Variants in PDCL2 observed in about 807,000 individuals in gnomAD.
PDCL2 encodes phosducin like 2.
In PDCL2, 23 loss-of-function variants were observed where a neutral mutation model predicts 30.3. The observed-to-expected ratio is 0.76, with a 90% CI of 0.55 to 1.08. The LOEUF is 1.08. Ranked by LOEUF, PDCL2 falls within the 50% of genes least tolerant of loss-of-function variation. The pLI is 0.00. For synonymous variants in PDCL2, 68 were observed against 86.2 expected (o/e 0.79, Z 1.17); for missense variants, 243 against 282.3 (o/e 0.86, Z 1.00).
intron 1 of PDCL2, among the ~76,000 whole-genome samples, chr4:55,586,177 A>G (rs1732861330): frequency 6.6e-6 from 1 of 151,820 alleles, no homozygotes; most frequent in South Asian, 2.1e-4. Flanking sequence ...GTTTTTCTCA[A>G]TATATTTTAA....
At chr4:55,588,150 G>A (rs959165798) in intron 1 of PDCL2, among the ~76,000 whole-genome samples, 3 of 152,248 alleles carry the variant, frequency 2.0e-5, no homozygotes, top group African/African-American at 4.8e-5. Context: ...TGGGAACTAT[G>A]TCAGGCAAAC....
intron 3 of PDCL2, among the ~76,000 whole-genome samples, chr4:55,571,189 A>G (rs1474731772): frequency 6.6e-6 from 1 of 152,004 alleles, no homozygotes; most frequent in Non-Finnish European, 1.5e-5. Flanking sequence ...TGTGTTTCCC[A>G]CAGAAACCAT....
intron 2 of PDCL2, among the ~76,000 whole-genome samples, chr4:55,581,767 G>A (rs1000216975): frequency 2.3e-4 from 35 of 152,272 alleles, no homozygotes; most frequent in Non-Finnish European, 4.4e-4. Context: ...GCAGTGGCAC[G>A]ATCTCAGCTC....
At position 55,582,239 on chromosome 4, in the gene PDCL2, T is replaced by C. The variant is rs887092261; in HGVS notation, c.7-2A>G. On this transcript the variant is annotated splice_acceptor_variant, in intron 1 of 5. Coordinates refer to ENST00000295645, the MANE Select transcript of PDCL2 (RefSeq NM_152401.3). LOFTEE classifies it high-confidence loss of function. ...CCATTCTGTATCTTCATTGGGATCC[T>C]ACACAAAAAGAAAAGAAAAGAAAAT... 1 of 1,586,476 alleles carries C rather than the reference T, an allele frequency of 6.3e-7. No homozygotes were observed. The highest frequency in any genetic ancestry group is 8.5e-7 in the Non-Finnish European group (1 of 1,172,038).
At position 55,560,053 on chromosome 4, in the gene PDCL2, T is replaced by C. The variant is rs73155698; in HGVS notation, c.571+2351A>G. 7.1e-3 allele frequency among the ~76,000 whole-genome samples: 1,074 copies of C among 152,292 alleles called. 12 individuals are homozygous for C. Among genetic ancestry groups the C allele is most frequent in the African/African-American group, 0.024 (1,014 of 41,560 alleles). ...AACTTCTGGCGATGGATGATGGTGATGGAATGTGAATGTGCTTAATTCCAC... is the reference window on the plus strand; with the variant it reads ...AACTTCTGGCGATGGATGATGGTGACGGAATGTGAATGTGCTTAATTCCAC... On this transcript the variant is annotated intron_variant, in intron 5 of 5. Transcript: ENST00000295645.
chr4:55,556,642 A>G lies in PDCL2; in HGVS notation c.641T>C (p.Met214Thr), dbSNP rs769141948. 6.4e-7 allele frequency: 1 copy of G among 1,572,674 alleles called. No individual in the cohort carries two copies. Among genetic ancestry groups the G allele is most frequent in the Non-Finnish European group, 8.6e-7 (1 of 1,156,538 alleles). Residue 214 changes from methionine to threonine, a missense_variant, in exon 6 of 6, where the codon ATG (methionine) becomes ACG (threonine). Met to Thr is a moderately conservative substitution (Grantham distance 81). Transcript: ENST00000295645. Reference sequence around the variant, plus strand: ...AATTGAAGATACCATCATATCTACCATGTCTTTTCTGGGGTTTTCTTCCAA... The same window carrying G: ...AATTGAAGATACCATCATATCTACCGTGTCTTTTCTGGGGTTTTCTTCCAA... ...TDLEENPRKD[M>T]VDMMVSSIRN... is the part of the protein sequence containing the mutation.
At chr4:55,580,738 ATG>A in intron 3 of PDCL2, 81 bp downstream of exon 3, 1 of 976,104 alleles carries the variant, frequency 1.0e-6, no homozygotes, top group Non-Finnish European at 1.4e-6. Context: ...TGTAAAATCT[ATG>A]TGACAAGACA....
intron 1 of PDCL2, among the ~76,000 whole-genome samples, chr4:55,590,074 G>A (rs1277061871): frequency 1.3e-5 from 2 of 151,500 alleles, no homozygotes; most frequent in South Asian, 2.1e-4. Context: ...GTGCACTCCT[G>A]TAATCCCAGC....
intron 2 of PDCL2, 111 bp downstream of exon 2, chr4:55,582,006 C>A: frequency 1.4e-6 from 2 of 1,438,822 alleles, no homozygotes; most frequent in Non-Finnish European, 9.4e-7. Context: ...CATGCCCAGC[C>A]TATACTAAAT....
chr4:55,563,828 G>A lies in PDCL2; in HGVS notation c.363-1216C>T, dbSNP rs576913810. 2.0e-5 allele frequency among the ~76,000 whole-genome samples: 3 copies of A among 152,308 alleles called. No individual in the cohort carries two copies. The South Asian group carries it at 6.2e-4, about 32-fold the overall frequency. ...AGAAGAGGAGGCCTGGATAGCAAAA[G>A]TGGTGTTGTTATGTAGATGAAACCT... On this transcript the variant is annotated intron_variant, in intron 4 of 5. Transcript: ENST00000295645.
chr4:55,576,646 A>G (rs1055158153), intron 3 of PDCL2, among the ~76,000 whole-genome samples: 6 of 152,214 alleles, frequency 3.9e-5, no homozygotes, highest in Admixed American at 3.9e-4. Flanking sequence ...AGATACACAG[A>G]AAATGAAAGA....
chr4:55,578,726 C>G (rs1475933715), intron 3 of PDCL2, among the ~76,000 whole-genome samples: 2 of 152,144 alleles, frequency 1.3e-5, no homozygotes, highest in Admixed American at 6.5e-5. Flanking sequence ...ACTTGATCAC[C>G]TCCCAGCATA....
chr4:55,590,301 C>T (rs924086203), intron 1 of PDCL2, among the ~76,000 whole-genome samples: 9 of 146,126 alleles, frequency 6.2e-5, no homozygotes, highest in Admixed American at 1.4e-4. Flanking sequence ...CTGGGTTTGG[C>T]GAGGCCCCAT....
rs79809448 is a variant in PDCL2 at position 55,558,920 on chromosome 4, G to A, written c.572-2209C>T. On this transcript the variant is annotated intron_variant, in intron 5 of 5. Coordinates refer to ENST00000295645, the MANE Select transcript of PDCL2 (RefSeq NM_152401.3). ...CTTATAAATCAATGAAACAACATAT[G>A]CACACACACGCACTCTTATAAATCA... Among the ~76,000 whole-genome samples the A allele has an allele frequency of 5.0e-3, 757 of 152,064 alleles. 9 individuals are homozygous for A. Among genetic ancestry groups the A allele is most frequent in the African/African-American group, 0.018 (726 of 41,466 alleles).
At chr4:55,558,125 CAAAA>C (rs34621105) in intron 5 of PDCL2, among the ~76,000 whole-genome samples, 1 of 122,068 alleles carries the variant, frequency 8.2e-6, no homozygotes. Context: ...GACTCCGTCT[CAAAA>C]AAAAAAAAAA....
intron 3 of PDCL2, among the ~76,000 whole-genome samples, chr4:55,577,718 T>C (rs1732607228): frequency 6.6e-6 from 1 of 152,256 alleles, no homozygotes; most frequent in Admixed American, 6.5e-5. Flanking sequence ...TATTTCTTTA[T>C]TGATATTCTC....
At chr4:55,576,152 C>T (rs180986776) in intron 3 of PDCL2, among the ~76,000 whole-genome samples, 157 of 152,014 alleles carry the variant, frequency 1.0e-3, no homozygotes, top group South Asian at 2.1e-3. Context: ...AGTGCCGTGG[C>T]GCGATCTTAG....
chr4:55,570,673 C>T (rs1732398111), intron 3 of PDCL2, among the ~76,000 whole-genome samples: 1 of 152,150 alleles, frequency 6.6e-6, no homozygotes, highest in South Asian at 2.1e-4. Context: ...AATGTTGCTA[C>T]CTATTTATCT....
chr4:55,577,420 C>T (rs1411295288), intron 3 of PDCL2, among the ~76,000 whole-genome samples: 1 of 152,102 alleles, frequency 6.6e-6, no homozygotes, highest in African/African-American at 2.4e-5. Flanking sequence ...AATCGTTGGC[C>T]ACTGGTGATT....
Sources: allele counts gnomAD v4.1 joint callset (sites outside exome capture counted in the v4.1 genomes callset), GRCh38; gene constraint gnomAD v4.1.1; transcripts MANE v1.5; gene names NCBI Gene and HGNC (gene_info 2026-07-23, HGNC 2026-07-21).